Variants in STS observed in about 807,000 individuals in gnomAD.
STS encodes steryl-sulfatase.
A neutral mutation model predicts 26.8 loss-of-function variants in STS; 7 were observed. The ratio of observed to expected loss-of-function variants is 0.26; its 90% CI spans 0.15 to 0.49. The LOEUF (loss-of-function observed/expected upper bound fraction) is 0.49. Ranked by LOEUF, STS falls within the 20% of genes least tolerant of loss-of-function variation. The probability of loss-of-function intolerance (pLI) is 0.98; values close to 1 mark genes in which losing one functional copy is unlikely to be tolerated. For synonymous variants in STS, 199 were observed against 189.4 expected (o/e 1.05, Z -0.42); for missense variants, 434 against 465.6 (o/e 0.93, Z 0.63).
At chrX:7,175,280 G>C (rs1428256232) in intron 1 of STS, among the ~76,000 whole-genome samples, 2 of 108,439 alleles carry the variant, frequency 1.8e-5, no homozygotes, top group Admixed American at 1.0e-4. Flanking sequence ...GAGCCCAGGA[G>C]TTCAAGACTA....
intron 2 of STS, among the ~76,000 whole-genome samples, chrX:7,227,962 T>G (rs773274698): frequency 8.9e-6 from 1 of 112,146 alleles, no homozygotes; most frequent in Non-Finnish European, 1.9e-5. Flanking sequence ...AGTGGAATCA[T>G]ACAGAATTTG....
At chrX:7,217,899 A>G (rs892793248) in intron 2 of STS, among the ~76,000 whole-genome samples, 2 of 111,959 alleles carry the variant, frequency 1.8e-5, no homozygotes, top group Non-Finnish European at 3.8e-5. Flanking sequence ...AAATACCAAT[A>G]TGATCTTCAA....
intron 1 of STS, among the ~76,000 whole-genome samples, chrX:7,186,539 A>G (rs1354453379): frequency 9.0e-6 from 1 of 111,457 alleles, no homozygotes; most frequent in African/African-American, 3.3e-5. Context: ...GGTGACAGTA[A>G]AGGGTTACAA....
rs1049651375 is a variant in STS at position 7,173,413 on chromosome X, A to G, written c.-133-17467A>G. 2.7e-5 allele frequency among the ~76,000 whole-genome samples: 3 copies of G among 111,670 alleles called. No individual in the cohort carries two copies. The Admixed American group carries it at 2.9e-4, about 11-fold the overall frequency. On this transcript the variant is annotated intron_variant, in intron 1 of 10. Transcript: ENST00000674429. ...CTGCAGTGAACATACACGTGCATGTATCTTTATAATAGAGTGATTTATATT... is the reference window on the plus strand; with the variant it reads ...CTGCAGTGAACATACACGTGCATGTGTCTTTATAATAGAGTGATTTATATT...
intron 10 of STS, among the ~76,000 whole-genome samples, chrX:7,344,325 C>T (rs975780997): frequency 1.5e-4 from 17 of 111,569 alleles, no homozygotes; most frequent in Non-Finnish European, 2.4e-4. Flanking sequence ...GAGCAGCATC[C>T]GTGGCCTCTC....
At chrX:7,222,779 G>C (rs1334305501) in intron 2 of STS, among the ~76,000 whole-genome samples, 1 of 110,290 alleles carries the variant, frequency 9.1e-6, no homozygotes, top group Admixed American at 9.7e-5. Context: ...ATATATTTAG[G>C]GGGTACAAGT....
At chrX:7,258,506 G>A (rs1354870642) in intron 5 of STS, among the ~76,000 whole-genome samples, 2 of 111,659 alleles carry the variant, frequency 1.8e-5, no homozygotes, top group Non-Finnish European at 3.8e-5. Flanking sequence ...GTCAGAATTT[G>A]TCTTGGTTGA....
chrX:7,342,177 G>A (rs962614651), intron 10 of STS, among the ~76,000 whole-genome samples: 1 of 111,459 alleles, frequency 9.0e-6, no homozygotes, highest in African/African-American at 3.3e-5. Flanking sequence ...TAGGAGATGT[G>A]GGAGATATAG....
At chrX:7,204,762 T>C (rs1379860406) in intron 2 of STS, among the ~76,000 whole-genome samples, 1 of 103,217 alleles carries the variant, frequency 9.7e-6, no homozygotes, top group Non-Finnish European at 2.0e-5. Flanking sequence ...TCCCTCTCTC[T>C]CCCTCCTTTC....
intron 6 of STS, among the ~76,000 whole-genome samples, chrX:7,261,656 A>T (rs1923755397): frequency 8.9e-6 from 1 of 111,747 alleles, no homozygotes; most frequent in Admixed American, 9.5e-5. Context: ...CCAGTTATGA[A>T]ACAGCATAGG....
chrX:7,324,083 A>G (rs1451387175), intron 8 of STS, among the ~76,000 whole-genome samples: 4 of 110,789 alleles, frequency 3.6e-5, no homozygotes, highest in Non-Finnish European at 7.5e-5. Flanking sequence ...CTTGATTTAT[A>G]CATTTTAGGG....
chrX:7,323,345 A>T (rs1455441513), intron 8 of STS, among the ~76,000 whole-genome samples: 1 of 110,378 alleles, frequency 9.1e-6, no homozygotes, highest in African/African-American at 3.3e-5. Context: ...TGAACATAGT[A>T]CCTGATAGTT....
chrX:7,309,991 T>C (rs762104182), intron 8 of STS, among the ~76,000 whole-genome samples: 1 of 112,300 alleles, frequency 8.9e-6, no homozygotes, highest in East Asian at 2.8e-4. Context: ...CTGAGACCCT[T>C]CTAAAATAAA....
intron 2 of STS, among the ~76,000 whole-genome samples, chrX:7,208,479 G>T (rs1365244699): frequency 6.3e-5 from 7 of 111,525 alleles, no homozygotes; most frequent in African/African-American, 2.3e-4. Flanking sequence ...TGAAAAAATG[G>T]TACAGAGGAG....
intron 1 of STS, among the ~76,000 whole-genome samples, chrX:7,183,305 T>G (rs1933715903): frequency 8.9e-6 from 1 of 111,867 alleles, no homozygotes; most frequent in Non-Finnish European, 1.9e-5. Context: ...AGCAAATGTT[T>G]AGTAAGACCT....
At chrX:7,151,072 A>G (rs1381653763) in intron 1 of STS, among the ~76,000 whole-genome samples, 1 of 112,685 alleles carries the variant, frequency 8.9e-6, no homozygotes, top group Non-Finnish European at 1.9e-5. Flanking sequence ...AAATAAACAG[A>G]TGCTCTTCTT....
intron 1 of STS, among the ~76,000 whole-genome samples, chrX:7,175,179 T>TAAAAAAAAA (rs143220502): frequency 2.4e-5 from 1 of 42,088 alleles, no homozygotes; most frequent in Non-Finnish European, 4.1e-5. Context: ...TCTGAGCTGG[T>TAAAAAAAAA]AAAAAAAAAA....
At chrX:7,222,528 CAAAAAA>C (rs770658761) in intron 2 of STS, among the ~76,000 whole-genome samples, 1 of 39,424 alleles carries the variant, frequency 2.5e-5, no homozygotes, top group African/African-American at 9.9e-5. Flanking sequence ...CCCTCAGCTG[CAAAAAA>C]AAAAAAAAAA....
intron 2 of STS, among the ~76,000 whole-genome samples, chrX:7,234,187 G>A (rs1423180703): frequency 1.8e-5 from 2 of 112,279 alleles, no homozygotes; most frequent in Admixed American, 1.9e-4. Context: ...GGGGATCCTG[G>A]AAAATGCAAA....
Sources: allele counts gnomAD v4.1 joint callset (sites outside exome capture counted in the v4.1 genomes callset), GRCh38; gene constraint gnomAD v4.1.1; transcripts MANE v1.5; gene names NCBI Gene and HGNC (gene_info 2026-07-23, HGNC 2026-07-21).